The following NIPA2 variants were observed in gnomAD, a reference collection of about 807,000 sequenced individuals.
NIPA2 encodes the protein NIPA magnesium transporter 2.
A neutral mutation model predicts 29.7 loss-of-function variants in NIPA2; 11 were observed. The ratio of observed to expected loss-of-function variants is 0.37; its 90% CI spans 0.23 to 0.61. The LOEUF (loss-of-function observed/expected upper bound fraction) is 0.61, where lower values mean the gene tolerates loss of function less well. Ranked by LOEUF, NIPA2 falls within the 20% of genes least tolerant of loss-of-function variation. The pLI, the probability that NIPA2 is intolerant of heterozygous loss-of-function variation, is 0.66. For missense variants in NIPA2, 426 were observed against 437.9 expected (o/e 0.97, Z 0.24); for synonymous variants, 183 against 161.9 (o/e 1.13, Z -0.99).
At chr15:22,862,817 A>G (rs1374946446) in intron 7 of NIPA2, among the ~76,000 whole-genome samples, 1 of 151,984 alleles carries the variant, frequency 6.6e-6, no homozygotes, top group Non-Finnish European at 1.5e-5. Flanking sequence ...GTAGGCAGAA[A>G]AGAATACAGT....
intron 3 of NIPA2, 82 bp from the exon 4 acceptor site, chr15:22,851,555 AAG>A (rs372027625): frequency 5.0e-5 from 20 of 397,758 alleles, no homozygotes; most frequent in African/African-American, 3.9e-4. Flanking sequence ...TCTTTAGGGG[AAG>A]AGAAATGGAG....
chr15:22,848,493 G>A (rs369943632), intron 3 of NIPA2, among the ~76,000 whole-genome samples: 1 of 151,998 alleles, frequency 6.6e-6, no homozygotes, highest in Non-Finnish European at 1.5e-5. Flanking sequence ...CTCCTGGTGT[G>A]TACCACTGTA....
Position 22,867,576 on chromosome 15 carries a change from T to TG in NIPA2, c.*729_*730insG, listed in dbSNP as rs535358665. 3.0e-3 allele frequency: 566 copies of TG among 191,780 alleles called. 3 individuals carry two copies. Among genetic ancestry groups the TG allele is most frequent in the African/African-American group, 0.012 (539 of 43,256 alleles). The allele number at this position is 191,780 out of a possible 1,614,324, so 11.9% of individuals were successfully genotyped here. On this transcript the variant is annotated 3_prime_UTR_variant, in exon 8 of 8. Coordinates refer to ENST00000337451, the MANE Select transcript of NIPA2 (RefSeq NM_030922.7). ...AATCCCATGATGCCTGGAACCTTGA[T>TG]TACCGTTTTACATCAGCTCTTGTAC...
chr15:22,863,748 T>G (rs1315235173), intron 7 of NIPA2, among the ~76,000 whole-genome samples: 2 of 152,220 alleles, frequency 1.3e-5, no homozygotes, highest in Non-Finnish European at 2.9e-5. Context: ...CGGTGTTGAT[T>G]GGCCTTTATG....
At chr15:22,853,372 A>AT in intron 5 of NIPA2, 104 bp downstream of exon 5, 12 of 635,716 alleles carry the variant, frequency 1.9e-5, no homozygotes, top group South Asian at 7.1e-5. Flanking sequence ...GGTTTAAATA[A>AT]TCTTTTTTTT....
intron 3 of NIPA2, among the ~76,000 whole-genome samples, chr15:22,851,387 A>AT (rs1222258893): frequency 5.3e-5 from 8 of 151,664 alleles, no homozygotes; most frequent in South Asian, 4.2e-4. Flanking sequence ...GGCTAGAAAC[A>AT]TTTTTTTTTA....
intron 6 of NIPA2, 127 bp downstream of exon 6, chr15:22,858,757 A>T: frequency 1.9e-6 from 1 of 517,394 alleles, no homozygotes; most frequent in Non-Finnish European, 3.3e-6. Context: ...CGCTTTTTAC[A>T]CTACGTAGTA....
chr15:22,848,199 G>A (rs192798597), intron 3 of NIPA2, among the ~76,000 whole-genome samples: 2 of 152,086 alleles, frequency 1.3e-5, no homozygotes, highest in East Asian at 3.9e-4. Context: ...GAAGCGTTTG[G>A]GTAGCTCGGT....
At position 22,866,943 on chromosome 15, in the gene NIPA2, C is replaced by A; in HGVS notation, c.*96C>A. ...AAAAACATTGTCCTCAAATAATGTT[C>A]TTTAAAGGCAATCTTTTTAAAGATT... On this transcript the variant is annotated 3_prime_UTR_variant, in exon 8 of 8. Coordinates refer to ENST00000337451, the MANE Select transcript of NIPA2 (RefSeq NM_030922.7). The A allele has an allele frequency of 8.6e-7, 1 of 1,167,952 alleles. No homozygotes were observed. The highest frequency in any genetic ancestry group is 2.5e-5 in the Admixed American group (1 of 39,524). The allele number at this position is 1,167,952 out of a possible 1,614,324, so 72.3% of individuals were successfully genotyped here.
chr15:22,842,718 A>G (rs924241247), intron 2 of NIPA2, among the ~76,000 whole-genome samples: 1 of 152,060 alleles, frequency 6.6e-6, no homozygotes, highest in African/African-American at 2.4e-5. Flanking sequence ...AATCCCAGAT[A>G]CTCAGGAGGC....
intron 2 of NIPA2, among the ~76,000 whole-genome samples, chr15:22,844,210 A>G (rs940303813): frequency 3.3e-5 from 5 of 152,152 alleles, no homozygotes; most frequent in Non-Finnish European, 7.4e-5. Flanking sequence ...CATTTTTGAC[A>G]TGCTTTATGT....
intron 2 of NIPA2, among the ~76,000 whole-genome samples, chr15:22,843,174 C>A (rs528988584): frequency 6.6e-6 from 1 of 152,174 alleles, no homozygotes; most frequent in South Asian, 2.1e-4. Context: ...TATAGTTCTG[C>A]TTCTGCTACC....
At chr15:22,856,024 A>G (rs989439155) in intron 5 of NIPA2, among the ~76,000 whole-genome samples, 9 of 152,154 alleles carry the variant, frequency 5.9e-5, no homozygotes, top group Admixed American at 1.3e-4. Flanking sequence ...AGAGAGAGGC[A>G]TTGCAGCTTT....
At chr15:22,855,325 G>A (rs1240574295) in intron 5 of NIPA2, among the ~76,000 whole-genome samples, 5 of 152,036 alleles carry the variant, frequency 3.3e-5, no homozygotes, top group Non-Finnish European at 7.4e-5. Flanking sequence ...GCTGAGGCAG[G>A]AGAATCGCTT....
rs1310651743 is a variant in NIPA2, at chr15:22,851,702, T to G, written c.-30T>G. The G allele has an allele frequency of 6.3e-7, 1 of 1,589,910 alleles. No homozygotes were observed. On this transcript the variant is annotated 5_prime_UTR_variant, in exon 4 of 8. Transcript: ENST00000337451. ...TTTCTCTGTTCTGTGATCAATGTGATTCACAGGAACTCCTTAAGTAACAAA... is the reference window on the plus strand; with the variant it reads ...TTTCTCTGTTCTGTGATCAATGTGAGTCACAGGAACTCCTTAAGTAACAAA...
chr15:22,866,929 C>T lies in NIPA2; in HGVS notation c.*82C>T, dbSNP rs866099860. ...CAGAATGTGTCTGAAAAAACATTGT[C>T]CTCAAATAATGTTCTTTAAAGGCAA... On this transcript the variant is annotated 3_prime_UTR_variant, in exon 8 of 8. Coordinates refer to ENST00000337451, the MANE Select transcript of NIPA2 (RefSeq NM_030922.7). 5.4e-6 allele frequency: 7 copies of T among 1,295,072 alleles called. No homozygotes were observed. The African/African-American group carries it at 1.0e-4, about 19-fold the overall frequency. 80.2% of individuals were successfully genotyped at this position (1,295,072 alleles called of 1,614,324 possible).
intron 2 of NIPA2, among the ~76,000 whole-genome samples, chr15:22,843,763 T>G (rs1034400282): frequency 5.3e-5 from 8 of 151,920 alleles, no homozygotes; most frequent in Non-Finnish European, 1.0e-4. Context: ...AGATTCTCCT[T>G]CCTTAGCCTC....
In NIPA2 at chr15:22,851,889, G is replaced by A. The variant is rs774902886; in HGVS notation, c.139+19G>A. The A allele has an allele frequency of 6.2e-7, 1 of 1,606,450 alleles. No individual in the cohort carries two copies. Among genetic ancestry groups the A allele is most frequent in the South Asian group, 1.1e-5 (1 of 90,000 alleles). ...AGAGCAGGTAGGTTATGCCTTATGT[G>A]ACTTTGAAGTGACCTCAGTGTCTAC... is the stretch of plus-strand genomic sequence containing the variant. On this transcript the variant is annotated intron_variant, in intron 4 of 7. Transcript: ENST00000337451.
At chr15:22,849,706 C>T (rs1420675917) in intron 3 of NIPA2, among the ~76,000 whole-genome samples, 1 of 151,958 alleles carries the variant, frequency 6.6e-6, no homozygotes, top group Non-Finnish European at 1.5e-5. Context: ...ACTACAGGCG[C>T]CTGCCACCAC....
Sources: allele counts gnomAD v4.1 joint callset (sites outside exome capture counted in the v4.1 genomes callset), GRCh38; gene constraint gnomAD v4.1.1; transcripts MANE v1.5; gene names NCBI Gene and HGNC (gene_info 2026-07-23, HGNC 2026-07-21).